The following EDC3 variants were observed in gnomAD, a reference collection of about 807,000 sequenced individuals.
EDC3 encodes the protein enhancer of mRNA-decapping protein 3.
EDC3 carries 20 observed loss-of-function variants against 41.8 expected under a neutral mutation model. The ratio of observed to expected loss-of-function variants is 0.48; its 90% confidence interval spans 0.34 to 0.70. EDC3 has a LOEUF of 0.70. Among genes scored for constraint, EDC3 ranks in the 30% least tolerant of loss-of-function variants. The pLI is 0.01. For synonymous variants in EDC3, 206 were observed against 243.2 expected (o/e 0.85, Z 1.42); for missense variants, 444 against 636.8 (o/e 0.70, Z 3.26).
intron 1 of EDC3, among the ~76,000 whole-genome samples, chr15:74,694,485 T>C (rs1195956054): frequency 6.6e-6 from 1 of 152,180 alleles, no homozygotes; most frequent in African/African-American, 2.4e-5. Flanking sequence ...TTTGTATTTT[T>C]AGTACATACG....
intron 6 of EDC3, among the ~76,000 whole-genome samples, chr15:74,633,218 GC>G (rs2062234340): frequency 6.6e-6 from 1 of 152,350 alleles, no homozygotes; most frequent in Admixed American, 6.5e-5. Flanking sequence ...TCCTGAGTGT[GC>G]AGAGCTTCTC....
At chr15:74,640,175 C>T (rs2062331677) in intron 5 of EDC3, 1 of 340,038 alleles carries the variant, frequency 2.9e-6, no homozygotes, top group Non-Finnish European at 5.4e-6. Flanking sequence ...CCGAAGGTTC[C>T]TAGAAGGAAG....
At chr15:74,635,081 T>C in intron 6 of EDC3, 1 of 528,860 alleles carries the variant, frequency 1.9e-6, no homozygotes, top group Middle Eastern at 2.9e-4. Flanking sequence ...ACATGTCTTT[T>C]TGTTCCTCCT....
At chr15:74,691,516 A>G (rs1018537251) in intron 1 of EDC3, among the ~76,000 whole-genome samples, 4 of 152,212 alleles carry the variant, frequency 2.6e-5, no homozygotes, top group South Asian at 2.1e-4. Context: ...AATTACAAAA[A>G]TACATGAATT....
rs958256974 is a variant in EDC3 at position 74,632,558 on chromosome 15, G to A, written c.*54C>T. On this transcript the variant is annotated 3_prime_UTR_variant, in exon 7 of 7. Coordinates refer to ENST00000315127, the MANE Select transcript of EDC3 (RefSeq NM_025083.5). The surrounding 1 kb of genome is among the most constrained non-coding windows in gnomAD (Gnocchi z 4.0). Reference sequence around the variant, plus strand: ...CCATGAAGCTTCATATCCTTAAGGCGTTTGTTATCAGGAGCAGCAGGGGAC... The same window carrying A: ...CCATGAAGCTTCATATCCTTAAGGCATTTGTTATCAGGAGCAGCAGGGGAC... The A allele has an allele frequency of 8.9e-6, 14 of 1,577,486 alleles. No homozygotes were observed. Among genetic ancestry groups the A allele is most frequent in the East Asian group, 6.8e-5 (3 of 44,396 alleles).
chr15:74,658,624 G>GAAA lies in EDC3; in HGVS notation c.485-2559_485-2557dup, dbSNP rs60193835. 2.8e-4 allele frequency among the ~76,000 whole-genome samples: 11 copies of GAAA among 39,040 alleles called. 1 individual carries two copies. The highest frequency in any genetic ancestry group is 7.0e-4 in the African/African-American group (7 of 9,990). The allele number at this position is 39,040 out of a possible 152,430, so 25.6% of individuals were successfully genotyped here. On this transcript the variant is annotated intron_variant, in intron 3 of 6. Transcript: ENST00000315127. ...CAGTGAAGATGCAATTTACGTCTCT[G>GAAA]AAAAAAAAAAAAAAAAAAAAAAAAA...
intron 4 of EDC3, among the ~76,000 whole-genome samples, chr15:74,653,304 T>A: frequency 6.6e-6 from 1 of 152,140 alleles, no homozygotes; most frequent in Non-Finnish European, 1.5e-5. Context: ...TTAGACTGTT[T>A]CCCTATATAT....
At chr15:74,676,372 T>C (rs947965433) in intron 1 of EDC3, among the ~76,000 whole-genome samples, 3 of 151,914 alleles carry the variant, frequency 2.0e-5, no homozygotes, top group African/African-American at 7.3e-5. Flanking sequence ...CTGATGTTAA[T>C]AGAAAGGAAA....
intron 1 of EDC3, among the ~76,000 whole-genome samples, chr15:74,681,738 A>G (rs1350580551): frequency 6.6e-6 from 1 of 152,242 alleles, no homozygotes; most frequent in Non-Finnish European, 1.5e-5. Context: ...TTCACACTTT[A>G]TACAAAAATT....
At chr15:74,670,950 T>G (rs929085461) in intron 3 of EDC3, among the ~76,000 whole-genome samples, 1 of 152,146 alleles carries the variant, frequency 6.6e-6, no homozygotes, top group Admixed American at 6.5e-5. Flanking sequence ...GGAAGAAAAG[T>G]TACTCAAGAA....
intron 2 of EDC3, 132 bp downstream of exon 2, chr15:74,674,829 A>C: frequency 9.4e-7 from 1 of 1,064,578 alleles, no homozygotes; most frequent in South Asian, 1.4e-5. Flanking sequence ...AGCCTGGCCA[A>C]CACAGTGAAA....
intron 1 of EDC3, among the ~76,000 whole-genome samples, chr15:74,691,959 G>A (rs533990089): frequency 6.6e-6 from 1 of 152,138 alleles, no homozygotes; most frequent in Admixed American, 6.5e-5. Context: ...TGGGACTACA[G>A]GCGCCCACCA....
intron 4 of EDC3, among the ~76,000 whole-genome samples, chr15:74,651,618 TAA>T (rs1197227852): frequency 6.6e-6 from 1 of 152,180 alleles, no homozygotes; most frequent in Non-Finnish European, 1.5e-5. Context: ...AAATGGGTAA[TAA>T]ATATGTTGTT....
intron 4 of EDC3, among the ~76,000 whole-genome samples, chr15:74,647,504 A>G (rs567372743): frequency 6.6e-6 from 1 of 152,290 alleles, no homozygotes; most frequent in Admixed American, 6.5e-5. Flanking sequence ...AAACTCTTGG[A>G]AAACATGTAA....
chr15:74,645,262 TTAGA>T (rs2062399600), intron 4 of EDC3: 2 of 152,166 alleles, frequency 1.3e-5, no homozygotes, highest in Non-Finnish European at 2.9e-5. Flanking sequence ...ACGGAGTATA[TTAGA>T]TAGTATTTTT....
chr15:74,680,726 T>C (rs540424219), intron 1 of EDC3, among the ~76,000 whole-genome samples: 2 of 152,334 alleles, frequency 1.3e-5, no homozygotes, highest in South Asian at 4.1e-4. Flanking sequence ...TAACTGTCTA[T>C]GTAGAAATTC....
At chr15:74,677,745 A>G (rs2062822870) in intron 1 of EDC3, among the ~76,000 whole-genome samples, 1 of 152,160 alleles carries the variant, frequency 6.6e-6, no homozygotes, top group African/African-American at 2.4e-5. Flanking sequence ...TCTCCTTGGT[A>G]TTTACCCAGA....
chr15:74,691,588 G>T (rs575979195), intron 1 of EDC3, among the ~76,000 whole-genome samples: 1 of 152,066 alleles, frequency 6.6e-6, no homozygotes, highest in South Asian at 2.1e-4. Flanking sequence ...ATGTCCGTAG[G>T]GGGTACACAA....
intron 1 of EDC3, among the ~76,000 whole-genome samples, chr15:74,689,034 G>A (rs1254923923): frequency 6.6e-6 from 1 of 151,794 alleles, no homozygotes; most frequent in Non-Finnish European, 1.5e-5. Flanking sequence ...CCATTCTACT[G>A]CTGATACATA....
Sources: gnomAD v4.1 joint callset for allele counts (sites outside exome capture counted in the v4.1 genomes callset) on GRCh38, gnomAD v4.1.1 for gene constraint, Gnocchi (gnomAD v3.1) non-coding constraint, MANE v1.5 for transcripts, NCBI Gene and HGNC (gene_info 2026-07-23, HGNC 2026-07-21) for gene names.